EYA1: variants seen among roughly 807,000 people sequenced by gnomAD.
The protein encoded by EYA1 is EYA transcriptional coactivator and phosphatase 1, also known as protein phosphatase EYA1.
A neutral mutation model predicts 82.0 loss-of-function variants in EYA1; 16 were observed. The ratio of observed to expected loss-of-function variants is 0.20; its 90% CI spans 0.13 to 0.30. The LOEUF (loss-of-function observed/expected upper bound fraction) is 0.30. Ranked by LOEUF, EYA1 falls within the 10% of genes least tolerant of loss-of-function variation. EYA1 has a pLI of 1.00. For missense variants in EYA1, 633 were observed against 730.7 expected (o/e 0.87, Z 1.54); for synonymous variants, 261 against 264.4 (o/e 0.99, Z 0.12).
intron 16 of EYA1, among the ~76,000 whole-genome samples, chr8:71,213,432 A>ATAAT (rs1477211610): frequency 3.3e-4 from 51 of 152,366 alleles, no homozygotes; most frequent in African/African-American, 1.2e-3. Context: ...CAATATAATT[A>ATAAT]TAATTCCTCT....
At chr8:71,288,563 G>T (rs77387919) in intron 9 of EYA1, among the ~76,000 whole-genome samples, 1 of 152,196 alleles carries the variant, frequency 6.6e-6, no homozygotes, top group African/African-American at 2.4e-5. Context: ...AAAATTAAAA[G>T]CTTCCCTATT....
At position 71,356,602 on chromosome 8, in the gene EYA1, A is replaced by G. The variant is rs1172789663; in HGVS notation, c.-54-91T>C. The G allele has an allele frequency of 3.4e-6, 5 of 1,456,514 alleles. No individual in the cohort carries two copies. In the African/African-American group the frequency reaches 7.2e-5, roughly 21 times the overall value. The allele number at this position is 1,456,514 out of a possible 1,614,324, so 90.2% of individuals were successfully genotyped here. On this transcript the variant is annotated intron_variant, in intron 1 of 17. Coordinates refer to ENST00000340726, the MANE Select transcript of EYA1 (RefSeq NM_000503.6). The stretch of plus-strand genomic sequence containing the variant: ...ACAGAGCACATGGCTGAGAACGACA[A>G]TGCTCTCTTTTAACCAAAAGAGAAA...
At chr8:71,421,575 G>A (rs1328864024) in intron 2 of EYA1, among the ~76,000 whole-genome samples, 1 of 152,190 alleles carries the variant, frequency 6.6e-6, no homozygotes, top group Non-Finnish European at 1.5e-5. Flanking sequence ...AAGTGTGTGT[G>A]TCTGGTGGGG....
At chr8:71,512,185 A>T (rs955494368) in intron 2 of EYA1, among the ~76,000 whole-genome samples, 1 of 152,186 alleles carries the variant, frequency 6.6e-6, no homozygotes, top group Admixed American at 6.6e-5. Flanking sequence ...AGAAGTAATC[A>T]CTAGCTTCTC....
chr8:71,487,700 C>T (rs916207130), intron 2 of EYA1, among the ~76,000 whole-genome samples: 7 of 152,016 alleles, frequency 4.6e-5, no homozygotes, highest in Non-Finnish European at 8.8e-5. Context: ...ACAGGCTAAC[C>T]AAATGACTAA....
At chr8:71,362,837 A>G (rs1331439601), upstream of EYA1, among the ~76,000 whole-genome samples, 1 of 152,130 alleles carries the variant, frequency 6.6e-6, no homozygotes, top group Non-Finnish European at 1.5e-5. Context: ...AGTCTATAAC[A>G]CTCACCTAAA....
chr8:71,315,345 G>A (rs922938450), intron 7 of EYA1, among the ~76,000 whole-genome samples: 1 of 152,186 alleles, frequency 6.6e-6, no homozygotes, highest in African/African-American at 2.4e-5. Flanking sequence ...GCTTTTGGTG[G>A]ACGGGTAATG....
intron 2 of EYA1, among the ~76,000 whole-genome samples, chr8:71,463,201 T>A (rs1808497530): frequency 6.6e-6 from 1 of 152,176 alleles, no homozygotes; most frequent in Non-Finnish European, 1.5e-5. Flanking sequence ...AGTGGCTAGC[T>A]ACTGTATTAG....
intron 11 of EYA1, among the ~76,000 whole-genome samples, chr8:71,247,896 T>C (rs908511620): frequency 3.9e-5 from 6 of 152,214 alleles, no homozygotes; most frequent in Non-Finnish European, 8.8e-5. Context: ...GTGGCAAGGA[T>C]GGAGCCTCAC....
intron 2 of EYA1, among the ~76,000 whole-genome samples, chr8:71,413,960 T>C (rs1436579889): frequency 6.6e-6 from 1 of 152,186 alleles, no homozygotes; most frequent in Non-Finnish European, 1.5e-5. Flanking sequence ...CTAAGACAAT[T>C]AGCACATAGG....
chr8:71,392,174 T>A (rs959076746), intron 2 of EYA1, among the ~76,000 whole-genome samples: 2 of 152,110 alleles, frequency 1.3e-5, no homozygotes, highest in Non-Finnish European at 1.5e-5. Context: ...GAGGGAACCT[T>A]CTGCTCCCAC....
At chr8:71,510,538 G>T (rs1015259444) in intron 2 of EYA1, among the ~76,000 whole-genome samples, 7 of 152,182 alleles carry the variant, frequency 4.6e-5, no homozygotes, top group African/African-American at 1.7e-4. Flanking sequence ...CACAGGGCGG[G>T]AGGAGAGAGA....
At chr8:71,247,592 A>G (rs1038874682) in intron 11 of EYA1, among the ~76,000 whole-genome samples, 1 of 152,184 alleles carries the variant, frequency 6.6e-6, no homozygotes. Flanking sequence ...ATGAAATTCT[A>G]TGAAATTTCA....
At chr8:71,253,837 C>A (rs1814046202) in intron 11 of EYA1, among the ~76,000 whole-genome samples, 1 of 152,068 alleles carries the variant, frequency 6.6e-6, no homozygotes. Flanking sequence ...AACGAGGAAG[C>A]CTTAATCAAA....
At chr8:71,351,735 A>G (rs892532647) in intron 3 of EYA1, among the ~76,000 whole-genome samples, 1 of 152,216 alleles carries the variant, frequency 6.6e-6, no homozygotes, top group Non-Finnish European at 1.5e-5. Flanking sequence ...CAGCAGACTT[A>G]AGAAGAAACT....
chr8:71,315,348 G>A (rs1393726190), intron 7 of EYA1, among the ~76,000 whole-genome samples: 3 of 152,162 alleles, frequency 2.0e-5, no homozygotes, highest in African/African-American at 7.2e-5. Context: ...TTTGGTGGAC[G>A]GGTAATGGCA....
At chr8:71,298,128 CT>C (rs1189299141) in intron 9 of EYA1, among the ~76,000 whole-genome samples, 4 of 152,132 alleles carry the variant, frequency 2.6e-5, no homozygotes, top group Non-Finnish European at 4.4e-5. Flanking sequence ...TTATACAGAA[CT>C]TTTTTTCATG....
chr8:71,326,350 C>T (rs1823142606), intron 4 of EYA1, among the ~76,000 whole-genome samples: 1 of 152,074 alleles, frequency 6.6e-6, no homozygotes, highest in Admixed American at 6.6e-5. Context: ...CCCACCTACC[C>T]TTTTATCATA....
At chr8:71,332,020 T>A (rs946689786) in intron 4 of EYA1, among the ~76,000 whole-genome samples, 3 of 151,982 alleles carry the variant, frequency 2.0e-5, no homozygotes, top group Non-Finnish European at 2.9e-5. Flanking sequence ...GCTAATTTTT[T>A]AAAAATTATT....
Sources: gnomAD v4.1 joint callset for allele counts (sites outside exome capture counted in the v4.1 genomes callset) on GRCh38, gnomAD v4.1.1 for gene constraint, MANE v1.5 for transcripts, NCBI Gene and HGNC (gene_info 2026-07-23, HGNC 2026-07-21) for gene names.